EFCAB5: variants seen among roughly 807,000 people sequenced by gnomAD.
The protein encoded by EFCAB5 is EF-hand calcium-binding domain-containing protein 5.
EFCAB5 carries 131 observed loss-of-function variants against 167.9 expected under a neutral mutation model. The ratio of observed to expected loss-of-function variants is 0.78; its 90% CI spans 0.68 to 0.90. EFCAB5 has a LOEUF of 0.90. Among genes scored for constraint, EFCAB5 ranks in the 40% least tolerant of loss-of-function variants. The pLI, the probability that EFCAB5 is intolerant of heterozygous loss-of-function variation, is 0.00. For synonymous variants in EFCAB5, 574 were observed against 602.8 expected (o/e 0.95, Z 0.70); for missense variants, 1,663 against 1,745.2 (o/e 0.95, Z 0.84).
In EFCAB5 at chr17:30,041,194, G is replaced by A. The variant is rs993069230; in HGVS notation, c.1200+6809G>A. ...TGACAGATCGAAAGAAAGGAAGGAA[G>A]GAAGGAAGAAAGGAAAGAAGGAAGG... On this transcript the variant is annotated intron_variant, in intron 8 of 22. Transcript: ENST00000394835. 1.5e-4 allele frequency among the ~76,000 whole-genome samples: 22 copies of A among 148,406 alleles called. 1 individual carries two copies. The East Asian group carries it at 1.6e-3, about 11-fold the overall frequency.
In EFCAB5 at chr17:30,053,628, A is replaced by G. The variant is rs775059070; in HGVS notation, c.1674A>G (p.Ser558=). ...THTESTLEQG[S]SRRLLTEQET... ...CAGAGTCAACTCTAGAACAAGGGTCAAGTAGAAGGTTACTGACAGAACAAG... is the reference window on the plus strand; with the variant it reads ...CAGAGTCAACTCTAGAACAAGGGTCGAGTAGAAGGTTACTGACAGAACAAG... Residue 558 remains serine, a synonymous_variant, in exon 10 of 23, where the codon TCA becomes TCG. Transcript: ENST00000394835. 2 of 1,613,970 alleles carry G rather than the reference A, an allele frequency of 1.2e-6. No individual in the cohort carries two copies. The highest frequency in any genetic ancestry group is 3.3e-5 in the Admixed American group (2 of 60,022).
intron 4 of EFCAB5, among the ~76,000 whole-genome samples, chr17:29,991,810 A>G (rs1337887675): frequency 6.6e-6 from 1 of 152,192 alleles, no homozygotes; most frequent in East Asian, 1.9e-4. Context: ...AGAGAAGCTC[A>G]CTACCCTAAG....
chr17:30,041,058 C>A (rs900142993), intron 8 of EFCAB5, among the ~76,000 whole-genome samples: 1 of 152,122 alleles, frequency 6.6e-6, no homozygotes, highest in East Asian at 1.9e-4. Flanking sequence ...TAAGGACGAC[C>A]CAAATGTGTA....
At chr17:30,078,137 G>T in intron 14 of EFCAB5, 78 bp from the exon 15 acceptor site, 1 of 1,461,730 alleles carries the variant, frequency 6.8e-7, no homozygotes, top group Non-Finnish European at 9.1e-7. Context: ...TCAGTTCATC[G>T]TAAGAGGAGA....
intron 7 of EFCAB5, among the ~76,000 whole-genome samples, chr17:30,020,025 T>C (rs772955162): frequency 6.6e-6 from 1 of 152,198 alleles, no homozygotes; most frequent in Non-Finnish European, 1.5e-5. Context: ...GAGATCGTGT[T>C]GTATTTGTCT....
intron 4 of EFCAB5, among the ~76,000 whole-genome samples, chr17:29,970,854 C>A (rs1233286496): frequency 1.3e-5 from 2 of 152,134 alleles, no homozygotes; most frequent in African/African-American, 4.8e-5. Flanking sequence ...ACAGGCTGAT[C>A]ACCTGAGGTC....
At chr17:30,094,709 C>CT (rs755754278) in intron 22 of EFCAB5, among the ~76,000 whole-genome samples, 1 of 151,978 alleles carries the variant, frequency 6.6e-6, no homozygotes, top group East Asian at 1.9e-4. Flanking sequence ...AAAGGAGATA[C>CT]TTTTTTTATT....
chr17:30,082,032 A>G (rs527801470), intron 17 of EFCAB5, among the ~76,000 whole-genome samples: 2 of 152,172 alleles, frequency 1.3e-5, no homozygotes, highest in Non-Finnish European at 2.9e-5. Context: ...CAACAGGCCC[A>G]CATATGGGTT....
At position 30,053,614 on chromosome 17, in the gene EFCAB5, C is replaced by A. The variant is rs1374906227; in HGVS notation, c.1660C>A (p.Leu554Ile). 1 of 1,613,826 alleles carries A rather than the reference C, an allele frequency of 6.2e-7. No homozygotes were observed. Among genetic ancestry groups the A allele is most frequent in the South Asian group, 1.1e-5 (1 of 91,060 alleles). Residue 554 changes from leucine to isoleucine, a missense_variant, in exon 10 of 23, where the codon CTA (leucine) becomes ATA (isoleucine). Leu to Ile is a conservative substitution (Grantham distance 5). Transcript: ENST00000394835. ...ACCAGGAACACACACAGAGTCAACT[C>A]TAGAACAAGGGTCAAGTAGAAGGTT... ...IEPGTHTEST[L>I]EQGSSRRLLT...
intron 8 of EFCAB5, among the ~76,000 whole-genome samples, chr17:30,043,920 C>T (rs1324941035): frequency 6.6e-6 from 1 of 152,052 alleles, no homozygotes; most frequent in Non-Finnish European, 1.5e-5. Flanking sequence ...ACAGCCAAAA[C>T]CATGTTGACA....
chr17:30,011,816 C>T (rs2068909433), intron 7 of EFCAB5, among the ~76,000 whole-genome samples: 1 of 151,474 alleles, frequency 6.6e-6, no homozygotes, highest in African/African-American at 2.4e-5. Context: ...ACCCAGGTGC[C>T]AAGGCAAGAG....
intron 3 of EFCAB5, among the ~76,000 whole-genome samples, chr17:29,963,037 G>A (rs192960606): frequency 1.3e-5 from 2 of 152,120 alleles, no homozygotes; most frequent in African/African-American, 4.8e-5. Flanking sequence ...AAACTCCAGG[G>A]TTCAAGTGAT....
At chr17:29,997,883 A>G (rs1261783688) in intron 6 of EFCAB5, among the ~76,000 whole-genome samples, 1 of 151,962 alleles carries the variant, frequency 6.6e-6, no homozygotes, top group Non-Finnish European at 1.5e-5. Context: ...ATGGAGAGTC[A>G]CAGATTTTGG....
At chr17:30,051,314 C>T (rs2070090558) in intron 9 of EFCAB5, 97 bp downstream of exon 9, 1 of 998,726 alleles carries the variant, frequency 1.0e-6, no homozygotes, top group Non-Finnish European at 1.5e-6. Context: ...CAAGATTATT[C>T]TACCACCATG....
At chr17:30,043,374 A>T (rs1359410340) in intron 8 of EFCAB5, among the ~76,000 whole-genome samples, 1 of 152,188 alleles carries the variant, frequency 6.6e-6, no homozygotes, top group Non-Finnish European at 1.5e-5. Context: ...CTTTTATTTT[A>T]CATTGTACTG....
intron 14 of EFCAB5, among the ~76,000 whole-genome samples, chr17:30,065,244 A>C (rs2070532941): frequency 6.6e-6 from 1 of 152,262 alleles, no homozygotes; most frequent in Non-Finnish European, 1.5e-5. Context: ...CAAAGGATAT[A>C]GAAAGCAACC....
intron 3 of EFCAB5, among the ~76,000 whole-genome samples, chr17:29,956,172 C>G (rs1354528312): frequency 6.6e-6 from 1 of 152,176 alleles, no homozygotes; most frequent in Non-Finnish European, 1.5e-5. Flanking sequence ...ATTAAATTGT[C>G]TATCAACAGT....
At chr17:29,936,667 A>G (rs1476609625), upstream of EFCAB5, among the ~76,000 whole-genome samples, 1 of 152,204 alleles carries the variant, frequency 6.6e-6, no homozygotes, top group Non-Finnish European at 1.5e-5. Flanking sequence ...TAATTTAATA[A>G]CTGGCACTTG....
intron 3 of EFCAB5, among the ~76,000 whole-genome samples, chr17:29,968,112 G>A (rs1405192085): frequency 6.6e-6 from 1 of 152,026 alleles, no homozygotes; most frequent in Non-Finnish European, 1.5e-5. Flanking sequence ...CAGGGCTCAA[G>A]CAGTCCTCCC....
Sources: allele counts gnomAD v4.1 joint callset (sites outside exome capture counted in the v4.1 genomes callset), GRCh38; gene constraint gnomAD v4.1.1; transcripts MANE v1.5; gene names NCBI Gene and HGNC (gene_info 2026-07-23, HGNC 2026-07-21).